ADAMTS17: variants seen among roughly 807,000 people sequenced by gnomAD.
The protein encoded by ADAMTS17 is A disintegrin and metalloproteinase with thrombospondin motifs 17.
In ADAMTS17, 113 loss-of-function variants were observed where a neutral mutation model predicts 141.5. That is an observed-to-expected ratio of 0.80 (90% confidence interval 0.69 to 0.93). ADAMTS17 has a LOEUF of 0.93. ADAMTS17 is among the 40% of genes least tolerant of loss of function. ADAMTS17 has a pLI of 0.00. For synonymous variants in ADAMTS17, 768 were observed against 630.6 expected, an observed-to-expected ratio of 1.22 and a Z score of -3.27; for missense variants, 1,659 against 1,517.9, an observed-to-expected ratio of 1.09 and a Z score of -1.54.
rs1302913034 is a variant in ADAMTS17, at chr15:99,972,950, TTCC to T, written c.*1449_*1451del. On this transcript the variant is annotated 3_prime_UTR_variant, in exon 22 of 22. Coordinates refer to ENST00000268070, the MANE Select transcript of ADAMTS17 (RefSeq NM_139057.4). ...ATCCCATGGAAGTCCAAGTGAGACC[TTCC>T]GTCTGAAATCAGGGAGGAGGTGTTA... The T allele has an allele frequency of 6.6e-6, 1 of 152,212 alleles. No individual in the cohort carries two copies. The highest frequency in any genetic ancestry group is 1.9e-4 in the East Asian group (1 of 5,196). 9.4% of individuals were successfully genotyped at this position (152,212 alleles called of 1,614,324 possible).
chr15:100,241,261 C>A (rs569788460), intron 7 of ADAMTS17, among the ~76,000 whole-genome samples: 1 of 152,192 alleles, frequency 6.6e-6, no homozygotes, highest in Non-Finnish European at 1.5e-5. Context: ...GTAAAAATCA[C>A]TCAAGATTCT....
chr15:100,115,828 C>T (rs897105530), intron 13 of ADAMTS17, among the ~76,000 whole-genome samples: 9 of 152,208 alleles, frequency 5.9e-5, no homozygotes, highest in Non-Finnish European at 1.0e-4. Flanking sequence ...TCACTCCACA[C>T]CCATGAAGTC....
chr15:100,005,310 C>T (rs925076059), intron 18 of ADAMTS17, among the ~76,000 whole-genome samples: 9 of 152,192 alleles, frequency 5.9e-5, no homozygotes, highest in African/African-American at 2.2e-4. Context: ...TATTATCTTA[C>T]AGTTCTGGAG....
At chr15:100,273,969 C>G (rs1215020831) in intron 4 of ADAMTS17, among the ~76,000 whole-genome samples, 1 of 152,148 alleles carries the variant, frequency 6.6e-6, no homozygotes. Context: ...GGTTTAATTT[C>G]TACAAATTTG....
intron 14 of ADAMTS17, among the ~76,000 whole-genome samples, chr15:100,103,488 G>A (rs572152582): frequency 3.3e-5 from 5 of 152,274 alleles, no homozygotes; most frequent in African/African-American, 1.2e-4. Context: ...ATAAATTCTT[G>A]GCAATGAAAG....
intron 8 of ADAMTS17, among the ~76,000 whole-genome samples, chr15:100,155,853 G>C (rs951983038): frequency 6.6e-6 from 1 of 152,160 alleles, no homozygotes; most frequent in African/African-American, 2.4e-5. Flanking sequence ...TCCCTATTCA[G>C]CTATACCTGA....
intron 13 of ADAMTS17, among the ~76,000 whole-genome samples, chr15:100,111,214 A>T (rs191443486): frequency 6.6e-6 from 1 of 152,196 alleles, no homozygotes; most frequent in Admixed American, 6.5e-5. Flanking sequence ...CAGACACGTG[A>T]TGTTTGCTTC....
chr15:100,027,485 C>A (rs1036438329), intron 18 of ADAMTS17, among the ~76,000 whole-genome samples: 1 of 152,246 alleles, frequency 6.6e-6, no homozygotes, highest in Non-Finnish European at 1.5e-5. Context: ...GTGGGATTGA[C>A]AAACTATGGC....
chr15:100,239,665 T>C (rs774626974), intron 7 of ADAMTS17, among the ~76,000 whole-genome samples: 3 of 152,172 alleles, frequency 2.0e-5, no homozygotes, highest in Non-Finnish European at 2.9e-5. Context: ...TGACGTCTAA[T>C]GAGCCACCAG....
At chr15:100,015,854 TC>T (rs1567678546) in intron 18 of ADAMTS17, among the ~76,000 whole-genome samples, 1 of 152,230 alleles carries the variant, frequency 6.6e-6, no homozygotes, top group East Asian at 1.9e-4. Context: ...TAAGTGATGA[TC>T]TTTTTGCGAT....
intron 18 of ADAMTS17, among the ~76,000 whole-genome samples, chr15:100,046,791 G>A (rs80309519): frequency 2.0e-5 from 3 of 151,954 alleles, no homozygotes; most frequent in Non-Finnish European, 4.4e-5. Flanking sequence ...GCTGTATATC[G>A]CCTCAGGACC....
intron 17 of ADAMTS17, among the ~76,000 whole-genome samples, chr15:100,049,697 C>T (rs1370909964): frequency 5.3e-5 from 8 of 152,204 alleles, no homozygotes; most frequent in African/African-American, 1.7e-4. Flanking sequence ...GGCTGAGTGA[C>T]TGGGAGTTAG....
At chr15:100,193,158 C>T (rs972249797) in intron 8 of ADAMTS17, among the ~76,000 whole-genome samples, 48 of 152,262 alleles carry the variant, frequency 3.2e-4, no homozygotes, top group African/African-American at 9.9e-4. Flanking sequence ...CTCTGCTGCT[C>T]GCTCTCCTGC....
At chr15:99,987,219 C>G (rs1391540807) in intron 20 of ADAMTS17, among the ~76,000 whole-genome samples, 1 of 152,222 alleles carries the variant, frequency 6.6e-6, no homozygotes, top group South Asian at 2.1e-4. Flanking sequence ...TGAGAGGAGA[C>G]TGCTTGGATG....
chr15:100,297,830 C>T (rs1448237950), intron 3 of ADAMTS17, among the ~76,000 whole-genome samples: 1 of 152,178 alleles, frequency 6.6e-6, no homozygotes. Context: ...GACCTCAAAA[C>T]CACATGGCTA....
In ADAMTS17 at chr15:99,993,136, T is replaced by C. The variant is rs533910456; in HGVS notation, c.2861A>G (p.Lys954Arg). Residue 954 changes from lysine (K) to arginine (R), a missense_variant, in exon 20 of 22, where the codon AAA (lysine) becomes AGA (arginine). Coordinates refer to ENST00000268070, the MANE Select transcript of ADAMTS17 (RefSeq NM_139057.4). This position sits in a 1 kb window ranked among gnomAD's most constrained non-coding sequence, Gnocchi z 4.3. ...TCTCGGCCTCGTGGATGCGTCGCATTTCCCTTGTGAGTTGGTGCACGCCAC... is the reference window on the plus strand; with the variant it reads ...TCTCGGCCTCGTGGATGCGTCGCATCTCCCTTGTGAGTTGGTGCACGCCAC... ...RTVACTNSQG[K>R]CDASTRPRAE... 7 of 1,614,130 alleles carry C rather than the reference T, an allele frequency of 4.3e-6. No homozygotes were observed. The highest frequency in any genetic ancestry group is 1.6e-4 in the Middle Eastern group (1 of 6,062).
At chr15:100,113,274 T>C (rs549423801) in intron 13 of ADAMTS17, among the ~76,000 whole-genome samples, 58 of 152,346 alleles carry the variant, frequency 3.8e-4, no homozygotes, top group African/African-American at 1.3e-3. Flanking sequence ...CTCCCTTATA[T>C]GTAATTCAGA....
At chr15:100,155,374 G>A (rs1567270974) in intron 8 of ADAMTS17, 54 bp from the exon 9 acceptor site, 1 of 1,590,244 alleles carries the variant, frequency 6.3e-7, no homozygotes, top group African/African-American at 1.3e-5. Context: ...CTCATTTCCA[G>A]TTCCTGGTGC....
At chr15:100,117,101 G>C in intron 12 of ADAMTS17, 88 bp from the exon 13 acceptor site, 8 of 1,488,832 alleles carry the variant, frequency 5.4e-6, no homozygotes, top group Non-Finnish European at 7.2e-6. Flanking sequence ...AGGGGGAGGA[G>C]AGGAAGGGGG....
Sources: allele counts gnomAD v4.1 joint callset (sites outside exome capture counted in the v4.1 genomes callset), GRCh38; gene constraint gnomAD v4.1.1; non-coding constraint Gnocchi (gnomAD v3.1); transcripts MANE v1.5; gene names NCBI Gene and HGNC (gene_info 2026-07-23, HGNC 2026-07-21).